AREL1: variants seen among roughly 807,000 people sequenced by gnomAD.
AREL1 encodes the protein apoptosis-resistant E3 ubiquitin protein ligase 1.
AREL1 carries 62 observed loss-of-function variants against 99.0 expected under a neutral mutation model. That is an observed-to-expected ratio of 0.63 (90% confidence interval 0.51 to 0.77). AREL1 has a LOEUF of 0.77. AREL1 is among the 30% of genes least tolerant of loss of function. AREL1 has a pLI of 0.00. For synonymous variants in AREL1, 380 were observed against 376.5 expected, an observed-to-expected ratio of 1.01 and a Z score of -0.11; for missense variants, 879 against 1,027.6, an observed-to-expected ratio of 0.86 and a Z score of 1.98.
intron 18 of AREL1, among the ~76,000 whole-genome samples, chr14:74,664,550 G>A (rs2089167485): frequency 7.0e-6 from 1 of 142,380 alleles, no homozygotes; most frequent in Non-Finnish European, 1.5e-5. Flanking sequence ...GGGTTCAAGC[G>A]ATTCTCCTGC....
At position 74,676,293 on chromosome 14, in the gene AREL1, C is replaced by G; in HGVS notation, c.680G>C (p.Gly227Ala). The G allele has an allele frequency of 6.2e-7, 1 of 1,614,058 alleles. No individual in the cohort carries two copies. The highest frequency in any genetic ancestry group is 1.1e-5 in the South Asian group (1 of 91,066). The change falls in exon 7 of 20, where the codon GGT (glycine) becomes GCT (alanine). Residue 227 changes from glycine (G) to alanine (A), a missense_variant. Physicochemically the swap from Gly to Ala is moderately conservative, Grantham distance 60 (BLOSUM62 0). Transcript: ENST00000356357. ...TGTTACTGATTTCTCAAATGAGACA[C>G]CAGTACTCTCTTCTTCTTGAGGGCC... Reference protein sequence around the residue: ...ELGPQEEESTGVSFEKSVTSN... With the variant: ...ELGPQEEESTAVSFEKSVTSN...
At chr14:74,685,227 A>C (rs994138202) in intron 3 of AREL1, among the ~76,000 whole-genome samples, 1 of 152,128 alleles carries the variant, frequency 6.6e-6, no homozygotes, top group Non-Finnish European at 1.5e-5. Context: ...GTACTTGGCA[A>C]AAGTCTTCTC....
intron 1 of AREL1, among the ~76,000 whole-genome samples, chr14:74,706,339 G>A (rs1341213169): frequency 6.6e-6 from 1 of 152,176 alleles, no homozygotes; most frequent in Non-Finnish European, 1.5e-5. Flanking sequence ...GCCCAGTCGG[G>A]TGGAACTGGA....
chr14:74,706,387 A>G (rs2090180453), intron 1 of AREL1, among the ~76,000 whole-genome samples: 1 of 152,232 alleles, frequency 6.6e-6, no homozygotes, highest in Non-Finnish European at 1.5e-5. Context: ...CTCTGCCTCT[A>G]CTACCATCCA....
intron 1 of AREL1, 35 bp from the exon 2 acceptor site, chr14:74,692,363 G>C (rs2089900972): frequency 5.2e-6 from 2 of 381,754 alleles, no homozygotes; most frequent in South Asian, 1.9e-5. Context: ...AGTTGGAATA[G>C]GTTTTTATTT....
At chr14:74,664,613 A>ATTTTTT (rs747317541) in intron 18 of AREL1, among the ~76,000 whole-genome samples, 2 of 117,968 alleles carry the variant, frequency 1.7e-5, no homozygotes, top group Non-Finnish European at 1.7e-5. Flanking sequence ...CACCCAGCTA[A>ATTTTTT]TTTTTTTTTT....
intron 17 of AREL1, among the ~76,000 whole-genome samples, chr14:74,667,054 A>T (rs1345760600): frequency 6.6e-6 from 1 of 152,156 alleles, no homozygotes; most frequent in Non-Finnish European, 1.5e-5. Flanking sequence ...AGTATTAATT[A>T]TTACTCTTCA....
At chr14:74,675,551 T>C (rs909274359) in intron 8 of AREL1, 148 bp downstream of exon 8, 3 of 1,147,556 alleles carry the variant, frequency 2.6e-6, no homozygotes, top group Non-Finnish European at 3.6e-6. Flanking sequence ...TAGCAAGAAA[T>C]TTTTAACAGT....
chr14:74,681,981 A>T (rs1280700996), intron 5 of AREL1, among the ~76,000 whole-genome samples: 1 of 152,226 alleles, frequency 6.6e-6, no homozygotes, highest in East Asian at 1.9e-4. Flanking sequence ...TCTCTGCATT[A>T]TTTCTTACAA....
chr14:74,677,067 G>A (rs1274829128), intron 5 of AREL1, among the ~76,000 whole-genome samples: 2 of 151,888 alleles, frequency 1.3e-5, no homozygotes, highest in Non-Finnish European at 2.9e-5. Context: ...CCAAAGTGCT[G>A]GGATTACAGG....
Position 74,704,085 on chromosome 14 carries a change from T to C in AREL1, c.-334+8848A>G, listed in dbSNP as rs1431046459. Among the ~76,000 whole-genome samples the C allele has an allele frequency of 4.6e-5, 7 of 152,224 alleles. No homozygotes were observed. In the East Asian group the frequency reaches 1.3e-3, roughly 29 times the overall value. On this transcript the variant is annotated intron_variant, in intron 1 of 19. Transcript: ENST00000356357. ...GCATTTCCCTAAGGACTAACAATAT[T>C]GAGTATTTTTTTCATGTGTTTATTG... is the stretch of plus-strand genomic sequence containing the variant.
At chr14:74,707,050 A>G (rs1015991336) in intron 1 of AREL1, among the ~76,000 whole-genome samples, 1 of 152,192 alleles carries the variant, frequency 6.6e-6, no homozygotes, top group Non-Finnish European at 1.5e-5. Context: ...CACTCACTGG[A>G]AATACCAACT....
Position 74,697,155 on chromosome 14 carries a change from T to TACACAC in AREL1, c.-333-4833_-333-4828dup, listed in dbSNP as rs112999456. Among the ~76,000 whole-genome samples the TACACAC allele has an allele frequency of 9.5e-5, 14 of 147,450 alleles. No individual in the cohort carries two copies. The East Asian group carries it at 2.4e-3, about 25-fold the overall frequency. On this transcript the variant is annotated intron_variant, in intron 1 of 19. Transcript: ENST00000356357. The stretch of plus-strand genomic sequence containing the variant: ...ACAGAGAGAGAGATCCTGTCACACA[T>TACACAC]ACACACACACACACACACACAGCCA...
chr14:74,674,796 T>C (rs1015140663), intron 8 of AREL1, among the ~76,000 whole-genome samples: 12 of 152,094 alleles, frequency 7.9e-5, no homozygotes, highest in Non-Finnish European at 1.5e-4. Context: ...TTCCTCCAAG[T>C]TACTGGATAG....
In AREL1 at chr14:74,713,055, C is replaced by A. The variant is rs550891116; in HGVS notation, c.-456G>T. 2.0e-6 allele frequency: 3 copies of A among 1,500,832 alleles called. No homozygotes were observed. Among genetic ancestry groups the A allele is most frequent in the Non-Finnish European group, 2.8e-6 (3 of 1,078,416 alleles). 93.0% of individuals were successfully genotyped at this position (1,500,832 alleles called of 1,614,324 possible). A position where few individuals can be genotyped will look rare whatever the true frequency, so the allele number is the denominator to read the frequency against. On this transcript the variant is annotated 5_prime_UTR_variant, in exon 1 of 20. Transcript: ENST00000356357. Reference sequence around the variant, plus strand: ...ACAGACCCCAGAGTTGGTCTCCACCCGGCCTGGGAACCGGCTCGGGGGATT... The same window carrying A: ...ACAGACCCCAGAGTTGGTCTCCACCAGGCCTGGGAACCGGCTCGGGGGATT...
intron 1 of AREL1, among the ~76,000 whole-genome samples, chr14:74,692,815 C>T (rs1594773919): frequency 6.6e-6 from 1 of 152,102 alleles, no homozygotes; most frequent in East Asian, 1.9e-4. Context: ...GCGATCCTCC[C>T]GCCTCAGCCT....
chr14:74,685,726 C>T (rs963448357), intron 2 of AREL1, 66 bp from the exon 3 acceptor site: 11 of 1,420,826 alleles, frequency 7.7e-6, no homozygotes, highest in Admixed American at 1.8e-5. Context: ...CAGAGTAAGA[C>T]AAAGAAGAGT....
chr14:74,667,534 A>G lies in AREL1; in HGVS notation c.1975T>C (p.Tyr659His). ...TPVTNANKIF[Y>H]LNLLAQYRLA... Reference sequence around the variant, plus strand: ...CGATATTGGGCCAGCAAATTTAAATAGAAGATTTTATTCGCATTGGTGACT... The same window carrying G: ...CGATATTGGGCCAGCAAATTTAAATGGAAGATTTTATTCGCATTGGTGACT... Residue 659 changes from tyrosine to histidine, a missense_variant, in exon 16 of 20, where the codon TAT (tyrosine) becomes CAT (histidine). Coordinates refer to ENST00000356357, the MANE Select transcript of AREL1 (RefSeq NM_001039479.2). The G allele has an allele frequency of 6.2e-7, 1 of 1,613,948 alleles. No homozygotes were observed. Among genetic ancestry groups the G allele is most frequent in the South Asian group, 1.1e-5 (1 of 91,028 alleles).
chr14:74,674,076 G>A lies in AREL1; in HGVS notation c.1116C>T (p.Ile372=). The A allele has an allele frequency of 6.2e-7, 1 of 1,613,826 alleles. No individual in the cohort carries two copies. Among genetic ancestry groups the A allele is most frequent in the Non-Finnish European group, 8.5e-7 (1 of 1,179,782 alleles). Residue 372 remains isoleucine (I), a synonymous_variant, in exon 9 of 20, where the codon ATC becomes ATT. Transcript: ENST00000356357. ...FSVKEFYLKI[I]PWRLYTFRVC... Reference sequence around the variant, plus strand: ...CTCGGAAGGTGTAAAGGCGCCAGGGGATGATCTTCAGGTAGAACTCCTTCA... The same window carrying A: ...CTCGGAAGGTGTAAAGGCGCCAGGGAATGATCTTCAGGTAGAACTCCTTCA...
Sources: allele counts gnomAD v4.1 joint callset (sites outside exome capture counted in the v4.1 genomes callset), GRCh38; gene constraint gnomAD v4.1.1; transcripts MANE v1.5; gene names NCBI Gene and HGNC (gene_info 2026-07-23, HGNC 2026-07-21).